Variants in PCSK2 observed in about 807,000 individuals in gnomAD.
The protein encoded by PCSK2 is proprotein convertase subtilisin/kexin type 2, also known as neuroendocrine convertase 2.
Under a neutral mutation model 69.7 loss-of-function variants are expected in PCSK2, and 14 were observed. The observed-to-expected ratio is 0.20, with a 90% CI of 0.13 to 0.31. The LOEUF (loss-of-function observed/expected upper bound fraction) is 0.31. Among genes scored for constraint, PCSK2 ranks in the 10% least tolerant of loss-of-function variants. The probability of loss-of-function intolerance (pLI) is 1.00; values close to 1 mark genes in which losing one functional copy is unlikely to be tolerated. For missense variants in PCSK2, 544 were observed against 842.5 expected, an observed-to-expected ratio of 0.65 and a Z score of 4.39; for synonymous variants, 307 against 320.7, an observed-to-expected ratio of 0.96 and a Z score of 0.46.
Position 17,436,892 on chromosome 20 carries a change from G to C in PCSK2, c.885+9G>C. 6.3e-7 allele frequency: 1 copy of C among 1,596,306 alleles called. No homozygotes were observed. Among genetic ancestry groups the C allele is most frequent in the African/African-American group, 1.3e-5 (1 of 74,358 alleles). On this transcript the variant is annotated intron_variant, in intron 8 of 11. Transcript: ENST00000262545. ...CCGATGGCGTGAACAAGGTAAGGGG[G>C]CCGGCCCCCTAGGCCCCGGCCACTC...
chr20:17,329,620 C>T (rs2123148754), intron 2 of PCSK2, among the ~76,000 whole-genome samples: 1 of 152,298 alleles, frequency 6.6e-6, no homozygotes, highest in East Asian at 1.9e-4. Flanking sequence ...GCTCTCTCAG[C>T]TAACACGTGC....
At chr20:17,298,812 CTA>C (rs1168412678) in intron 2 of PCSK2, among the ~76,000 whole-genome samples, 2 of 152,080 alleles carry the variant, frequency 1.3e-5, no homozygotes, top group African/African-American at 2.4e-5. Context: ...GCAGATGAAG[CTA>C]TTAGTCAGTC....
chr20:17,479,830 C>T (rs1436597759), intron 11 of PCSK2, among the ~76,000 whole-genome samples: 1 of 146,710 alleles, frequency 6.8e-6, no homozygotes, highest in Non-Finnish European at 1.5e-5. Context: ...AAGAACTATC[C>T]ACAATGACAG....
chr20:17,316,278 G>A (rs1423572779), intron 2 of PCSK2, among the ~76,000 whole-genome samples: 1 of 152,148 alleles, frequency 6.6e-6, no homozygotes, highest in East Asian at 1.9e-4. Flanking sequence ...ACTGACCCAG[G>A]GTTGGCTGAT....
chr20:17,412,783 A>G (rs1260386318), intron 6 of PCSK2, among the ~76,000 whole-genome samples: 1 of 152,216 alleles, frequency 6.6e-6, no homozygotes, highest in East Asian at 1.9e-4. Flanking sequence ...GCCAGAGAGA[A>G]AGGTCGGGTT....
At chr20:17,369,099 G>A (rs991291955) in intron 4 of PCSK2, 141 bp from the exon 5 acceptor site, 1 of 704,346 alleles carries the variant, frequency 1.4e-6, no homozygotes, top group Non-Finnish European at 2.6e-6. Context: ...AAGACTGGGA[G>A]CTGTGTGATG....
In PCSK2 at chr20:17,388,175, T is replaced by C. The variant is rs937880357; in HGVS notation, c.543+18898T>C. Reference sequence around the variant, plus strand: ...AGGAAAAATATGGCATGAGATGACATTGGAGAAGTAGAAAGAGAACCGACT... The same window carrying C: ...AGGAAAAATATGGCATGAGATGACACTGGAGAAGTAGAAAGAGAACCGACT... On this transcript the variant is annotated intron_variant, in intron 5 of 11. Coordinates refer to ENST00000262545, the MANE Select transcript of PCSK2 (RefSeq NM_002594.5). 4.6e-5 allele frequency among the ~76,000 whole-genome samples: 7 copies of C among 152,064 alleles called. No individual in the cohort carries two copies. The East Asian group carries it at 7.7e-4, about 17-fold the overall frequency.
intron 2 of PCSK2, among the ~76,000 whole-genome samples, chr20:17,302,861 T>C (rs2123092174): frequency 6.6e-6 from 1 of 152,346 alleles, no homozygotes; most frequent in East Asian, 1.9e-4. Flanking sequence ...TCTTGTCTCC[T>C]GTTTCTGGTT....
At chr20:17,359,287 G>A (rs1236069723) in intron 3 of PCSK2, among the ~76,000 whole-genome samples, 1 of 152,134 alleles carries the variant, frequency 6.6e-6, no homozygotes, top group East Asian at 1.9e-4. Context: ...TTTTTGGCAT[G>A]GAAGTCCGAA....
chr20:17,391,079 A>G (rs2031359362), intron 5 of PCSK2, among the ~76,000 whole-genome samples: 2 of 152,210 alleles, frequency 1.3e-5, no homozygotes, highest in African/African-American at 4.8e-5. Flanking sequence ...TCTTCTTCAA[A>G]TCCTTGTGTG....
At chr20:17,434,868 G>T (rs1189503197) in intron 7 of PCSK2, among the ~76,000 whole-genome samples, 1 of 152,190 alleles carries the variant, frequency 6.6e-6, no homozygotes, top group Non-Finnish European at 1.5e-5. Context: ...ACAAGAAGAA[G>T]CTGCACTGAC....
intron 6 of PCSK2, among the ~76,000 whole-genome samples, chr20:17,424,871 G>A (rs186507157): frequency 3.2e-4 from 48 of 152,174 alleles, no homozygotes; most frequent in East Asian, 5.8e-4. Context: ...TGTAACCTCC[G>A]ACTCCTAGGT....
intron 2 of PCSK2, among the ~76,000 whole-genome samples, chr20:17,347,934 G>GAGAAAGAA (rs11469177): frequency 2.0e-5 from 1 of 49,362 alleles, no homozygotes; most frequent in Non-Finnish European, 4.0e-5. Flanking sequence ...AGAGAAAAAA[G>GAGAAAGAA]AGAAAGAAAG....
At chr20:17,436,316 C>T (rs150766922) in intron 7 of PCSK2, among the ~76,000 whole-genome samples, 1 of 152,278 alleles carries the variant, frequency 6.6e-6, no homozygotes, top group Non-Finnish European at 1.5e-5. Context: ...ATTGCCTCCC[C>T]CATCTATCAT....
At chr20:17,328,470 A>T (rs1354909692) in intron 2 of PCSK2, among the ~76,000 whole-genome samples, 1 of 150,062 alleles carries the variant, frequency 6.7e-6, no homozygotes, top group Non-Finnish European at 1.5e-5. Flanking sequence ...ATAGAATTAT[A>T]TGCAATTTTA....
intron 6 of PCSK2, among the ~76,000 whole-genome samples, chr20:17,426,367 C>G (rs1188942245): frequency 6.6e-6 from 1 of 152,212 alleles, no homozygotes; most frequent in African/African-American, 2.4e-5. Context: ...TCAATTAACC[C>G]TCTTTCCTTT....
intron 8 of PCSK2, among the ~76,000 whole-genome samples, chr20:17,437,983 G>GA (rs199587876): frequency 0.013 from 1,368 of 108,014 alleles, 8 homozygotes; most frequent in South Asian, 0.028. Flanking sequence ...CAGGCCAGCA[G>GA]TTCCCCCCCA....
In PCSK2 at chr20:17,421,712, C is replaced by G. The variant is rs920146233; in HGVS notation, c.621-7723C>G. On this transcript the variant is annotated intron_variant, in intron 6 of 11. Coordinates refer to ENST00000262545, the MANE Select transcript of PCSK2 (RefSeq NM_002594.5). ...TCTCCTTATCTCTGTGAATGCAGAT[C>G]CCTGAAACACTGTTGTAGAAACTGG... 3.5e-4 allele frequency among the ~76,000 whole-genome samples: 52 copies of G among 149,582 alleles called. 1 individual carries two copies. The highest frequency in any genetic ancestry group is 1.2e-3 in the African/African-American group (49 of 40,512).
chr20:17,483,623 TAA>T lies in PCSK2; in HGVS notation c.*1554_*1555del, dbSNP rs2033448415. 6.6e-6 allele frequency: 1 copy of T among 152,248 alleles called. No homozygotes were observed. The allele number at this position is 152,248 out of a possible 1,614,324, so 9.4% of individuals were successfully genotyped here. ...TTCAATTCCCTGAAGGTGGCCACTT[TAA>T]GAGAGAAATCTGAAAACCCCATTTG... is the stretch of plus-strand genomic sequence containing the variant. On this transcript the variant is annotated 3_prime_UTR_variant, in exon 12 of 12. Coordinates refer to ENST00000262545, the MANE Select transcript of PCSK2 (RefSeq NM_002594.5).
Sources: allele counts gnomAD v4.1 joint callset (sites outside exome capture counted in the v4.1 genomes callset), GRCh38; gene constraint gnomAD v4.1.1; transcripts MANE v1.5; gene names NCBI Gene and HGNC (gene_info 2026-07-23, HGNC 2026-07-21).